Variants in OTUD7A observed in about 807,000 individuals in gnomAD.
The protein encoded by OTUD7A is OTU deubiquitinase 7A.
Under a neutral mutation model 65.7 loss-of-function variants are expected in OTUD7A, and 12 were observed. The observed-to-expected ratio is 0.18, with a 90% confidence interval of 0.12 to 0.30. The LOEUF (loss-of-function observed/expected upper bound fraction) is 0.30. Ranked by LOEUF, OTUD7A falls within the 10% of genes least tolerant of loss-of-function variation. The pLI, the probability that OTUD7A is intolerant of heterozygous loss-of-function variation, is 1.00. For missense variants in OTUD7A, 1,148 were observed against 1,304.8 expected (o/e 0.88, Z 1.85); for synonymous variants, 641 against 586.3 (o/e 1.09, Z -1.35).
At chr15:31,648,495 T>C (rs1443071453) in intron 3 of OTUD7A, among the ~76,000 whole-genome samples, 2 of 152,124 alleles carry the variant, frequency 1.3e-5, no homozygotes, top group African/African-American at 4.8e-5. Flanking sequence ...CCACCACTCT[T>C]TGTTCTAAAT....
chr15:31,545,106 T>C (rs1390982803), intron 5 of OTUD7A, among the ~76,000 whole-genome samples: 1 of 151,930 alleles, frequency 6.6e-6, no homozygotes, highest in Non-Finnish European at 1.5e-5. Context: ...AAGAATAACA[T>C]CAAAATTGTT....
rs533544165 is a variant in OTUD7A at position 31,802,139 on chromosome 15, G to GTATATA, written c.-100+68367_-100+68368insTATATA. On this transcript the variant is annotated intron_variant, in intron 1 of 12. Transcript: ENST00000307050. ...TGTGTGTGTGTGTGTGTGTGTGTGT[G>GTATATA]TGTATATATATATATGTAAAGGGGA... 5.1e-4 allele frequency among the ~76,000 whole-genome samples: 69 copies of GTATATA among 135,232 alleles called. 1 individual carries two copies. Among genetic ancestry groups the GTATATA allele is most frequent in the African/African-American group, 1.5e-3 (57 of 37,304 alleles). 88.7% of individuals were successfully genotyped at this position (135,232 alleles called of 152,430 possible).
chr15:31,627,770 A>C (rs1477000439), intron 3 of OTUD7A, among the ~76,000 whole-genome samples: 1 of 152,098 alleles, frequency 6.6e-6, no homozygotes, highest in African/African-American at 2.4e-5. Context: ...CTGACTTTTT[A>C]ATGATCGCCA....
At chr15:31,690,749 C>T (rs1892942755) in intron 1 of OTUD7A, among the ~76,000 whole-genome samples, 1 of 152,160 alleles carries the variant, frequency 6.6e-6, no homozygotes. Flanking sequence ...TGAAGTTAGA[C>T]TCTTACCTAA....
chr15:31,680,816 A>G lies in OTUD7A; in HGVS notation c.-99-23739T>C, dbSNP rs562641302. Among the ~76,000 whole-genome samples the G allele has an allele frequency of 3.9e-5, 6 of 152,236 alleles. No individual in the cohort carries two copies. In the South Asian group the frequency reaches 1.2e-3, roughly 32 times the overall value. ...TGAAGTGATGTGGGCTGGAGAATCC[A>G]TGCAGGCTGTGCTGGCACAAACCCC... is the stretch of plus-strand genomic sequence containing the variant. On this transcript the variant is annotated intron_variant, in intron 1 of 12. Coordinates refer to ENST00000307050, the MANE Select transcript of OTUD7A (RefSeq NM_001382637.1).
At chr15:31,589,572 G>A (rs993621114) in intron 3 of OTUD7A, among the ~76,000 whole-genome samples, 1 of 150,764 alleles carries the variant, frequency 6.6e-6, no homozygotes, top group Non-Finnish European at 1.5e-5. Flanking sequence ...CAAAATGCTG[G>A]GATTACAGGT....
chr15:31,605,929 T>C (rs1890226840), intron 3 of OTUD7A, among the ~76,000 whole-genome samples: 1 of 152,242 alleles, frequency 6.6e-6, no homozygotes, highest in Non-Finnish European at 1.5e-5. Flanking sequence ...CCATTTCTGC[T>C]GGAGCCTGTG....
chr15:31,760,061 T>C (rs1894920370), intron 1 of OTUD7A, among the ~76,000 whole-genome samples: 1 of 152,156 alleles, frequency 6.6e-6, no homozygotes, highest in Admixed American at 6.5e-5. Context: ...TACTTTTCTG[T>C]TTTTCTCAAA....
intron 1 of OTUD7A, among the ~76,000 whole-genome samples, chr15:31,769,065 A>G (rs1198670126): frequency 2.6e-5 from 4 of 152,238 alleles, no homozygotes; most frequent in African/African-American, 7.2e-5. Flanking sequence ...ATAGACATCG[A>G]TTATTGGAAT....
chr15:31,620,216 G>A (rs142774719), intron 3 of OTUD7A, among the ~76,000 whole-genome samples: 3,933 of 151,916 alleles, frequency 0.026, 80 homozygotes, highest in Middle Eastern at 0.041. Flanking sequence ...AGGGATATTA[G>A]TCTAAAATTC....
intron 3 of OTUD7A, among the ~76,000 whole-genome samples, chr15:31,574,543 CTG>C (rs59152711): frequency 0.065 from 9,912 of 152,110 alleles, 1,070 homozygotes; most frequent in African/African-American, 0.23. Flanking sequence ...AACAACAAAA[CTG>C]AGATTATGAT....
At chr15:31,609,612 C>A (rs1890337454) in intron 3 of OTUD7A, among the ~76,000 whole-genome samples, 1 of 152,162 alleles carries the variant, frequency 6.6e-6, no homozygotes, top group South Asian at 2.1e-4. Context: ...GCCCTGCCCC[C>A]CATTGATGGT....
In OTUD7A at chr15:31,704,753, G is replaced by A. The variant is rs369553376; in HGVS notation, c.-99-47676C>T. Among the ~76,000 whole-genome samples, 5 of 114,206 alleles carry A rather than the reference G, an allele frequency of 4.4e-5. No individual in the cohort carries two copies. In the East Asian group the frequency reaches 1.1e-3, roughly 25 times the overall value. The allele number at this position is 114,206 out of a possible 152,430, so 74.9% of individuals were successfully genotyped here. ...CTAGCCAAGGCCATTGCAAGCTGAC[G>A]GTTCACAAGATGCACTCTTTTCTTC... On this transcript the variant is annotated intron_variant, in intron 1 of 12. Coordinates refer to ENST00000307050, the MANE Select transcript of OTUD7A (RefSeq NM_001382637.1).
chr15:31,651,572 AACACACACACACACACACACAC>A (rs60554390), intron 3 of OTUD7A, among the ~76,000 whole-genome samples: 9 of 140,800 alleles, frequency 6.4e-5, no homozygotes, highest in Non-Finnish European at 1.1e-4. Flanking sequence ...AATCCCAAGG[AACACACACACACACACACACAC>A]ACACACACAC....
At chr15:31,718,900 A>T (rs1377016060) in intron 1 of OTUD7A, among the ~76,000 whole-genome samples, 4 of 6,798 alleles carry the variant, frequency 5.9e-4, no homozygotes, top group Non-Finnish European at 2.3e-3. Context: ...TGAATAAGTG[A>T]TTAGGAAAAA....
intron 10 of OTUD7A, among the ~76,000 whole-genome samples, chr15:31,500,037 T>C (rs897080633): frequency 1.3e-5 from 2 of 152,202 alleles, no homozygotes; most frequent in South Asian, 2.1e-4. Context: ...GTCGGGTATC[T>C]GAACCCCATG....
At chr15:31,648,178 C>A (rs1210868297) in intron 3 of OTUD7A, among the ~76,000 whole-genome samples, 2 of 152,162 alleles carry the variant, frequency 1.3e-5, no homozygotes, top group Non-Finnish European at 2.9e-5. Context: ...CTCTTAGGGG[C>A]CTGCCGGGCA....
chr15:31,685,520 G>T (rs992808423), intron 1 of OTUD7A, among the ~76,000 whole-genome samples: 1 of 151,982 alleles, frequency 6.6e-6, no homozygotes, highest in African/African-American at 2.4e-5. Flanking sequence ...TTAGCCGGGC[G>T]TGGTGGCGGG....
At chr15:31,648,760 TTTATTA>T (rs1044838230) in intron 3 of OTUD7A, among the ~76,000 whole-genome samples, 1 of 152,056 alleles carries the variant, frequency 6.6e-6, no homozygotes, top group Admixed American at 6.6e-5. Flanking sequence ...CTGCCTTTAT[TTTATTA>T]TTATTATGTT....
Sources: allele counts gnomAD v4.1 joint callset (sites outside exome capture counted in the v4.1 genomes callset), GRCh38; gene constraint gnomAD v4.1.1; transcripts MANE v1.5; gene names NCBI Gene and HGNC (gene_info 2026-07-23, HGNC 2026-07-21).